SV2C: variants seen among roughly 807,000 people sequenced by gnomAD.
SV2C encodes the protein synaptic vesicle glycoprotein 2C.
A neutral mutation model predicts 79.7 loss-of-function variants in SV2C; 49 were observed. The observed-to-expected ratio is 0.61, with a 90% confidence interval of 0.49 to 0.78. The LOEUF is 0.78. Ranked by LOEUF, SV2C falls within the 30% of genes least tolerant of loss-of-function variation. The pLI, the probability that SV2C is intolerant of heterozygous loss-of-function variation, is 0.00. For missense variants in SV2C, 833 were observed against 912.9 expected (o/e 0.91, Z 1.13); for synonymous variants, 334 against 333.2 (o/e 1.00, Z -0.03).
the SV2C span, among the ~76,000 whole-genome samples, chr5:76,012,072 T>A: frequency 6.6e-5 from 10 of 152,168 alleles, no homozygotes; most frequent in Non-Finnish European, 1.0e-4. Context: ...TAAATATACA[T>A]GTGCATGTGT....
chr5:75,976,609 A>G, the SV2C span, among the ~76,000 whole-genome samples: 6 of 152,118 alleles, frequency 3.9e-5, no homozygotes, highest in Non-Finnish European at 5.9e-5. Flanking sequence ...ATTGAAGAAT[A>G]CCATGCTTTT....
At chr5:75,886,120 C>T in the SV2C span, among the ~76,000 whole-genome samples, 2 of 152,058 alleles carry the variant, frequency 1.3e-5, no homozygotes, top group Non-Finnish European at 2.9e-5. Flanking sequence ...TGAGTCAGCC[C>T]CTTTTAGCTG....
chr5:76,001,527 G>A, the SV2C span, among the ~76,000 whole-genome samples: 2,463 of 152,014 alleles, frequency 0.016, 72 homozygotes, highest in African/African-American at 0.057. Flanking sequence ...GCGTGAACCC[G>A]GGAGGTGGAG....
chr5:76,274,898 G>T (rs1315101030), intron 4 of SV2C, among the ~76,000 whole-genome samples: 2 of 152,000 alleles, frequency 1.3e-5, no homozygotes, highest in Non-Finnish European at 2.9e-5. Context: ...TTTTATATCT[G>T]TAGGAACAAA....
the SV2C span, chr5:75,921,482 G>A: frequency 1.3e-6 from 1 of 798,878 alleles, no homozygotes; most frequent in South Asian, 1.3e-5. Context: ...CGGTCTCTGG[G>A]TTGAACTTAG....
chr5:75,879,062 G>A, the SV2C span, among the ~76,000 whole-genome samples: 3 of 152,088 alleles, frequency 2.0e-5, no homozygotes, highest in Non-Finnish European at 2.9e-5. Context: ...AACTCAGAAC[G>A]AGTTCTGTCA....
chr5:76,272,789 A>G (rs1373671209), intron 4 of SV2C, among the ~76,000 whole-genome samples: 1 of 152,116 alleles, frequency 6.6e-6, no homozygotes, highest in Non-Finnish European at 1.5e-5. Context: ...AGAATTGCCA[A>G]TATTTACTTT....
chr5:76,198,691 G>A (rs1235833289), intron 3 of SV2C, among the ~76,000 whole-genome samples: 1 of 152,100 alleles, frequency 6.6e-6, no homozygotes, highest in Non-Finnish European at 1.5e-5. Context: ...ACTTTTGCTT[G>A]CTTTGTGAAA....
In SV2C at chr5:76,102,475, G is replaced by A. The variant is rs77651845; in HGVS notation, c.-102+18963G>A. 3.0e-3 allele frequency among the ~76,000 whole-genome samples: 452 copies of A among 152,248 alleles called. 1 individual carries two copies. The highest frequency in any genetic ancestry group is 0.011 in the African/African-American group (437 of 41,534). On this transcript the variant is annotated intron_variant, in intron 1 of 12. Transcript: ENST00000502798. ...TGTTATCCAGTAGCAATTACTCTAT[G>A]TTGTGAATGCTCATTCTCTTGTCTG...
chr5:76,037,803 C>G, the SV2C span, among the ~76,000 whole-genome samples: 2 of 152,362 alleles, frequency 1.3e-5, no homozygotes, highest in East Asian at 3.9e-4. Flanking sequence ...CTTTGTTTAC[C>G]TAAGCAAGCC....
chr5:75,886,016 C>T, the SV2C span, among the ~76,000 whole-genome samples: 1 of 152,044 alleles, frequency 6.6e-6, no homozygotes, highest in African/African-American at 2.4e-5. Context: ...TCAGAGCTGC[C>T]CCTAGTGGAA....
chr5:76,154,557 A>C (rs1370780807), intron 2 of SV2C, among the ~76,000 whole-genome samples: 1 of 152,220 alleles, frequency 6.6e-6, no homozygotes, highest in African/African-American at 2.4e-5. Context: ...CAGACCACAC[A>C]GAGCTGCATG....
chr5:76,237,027 G>C (rs1224558484), intron 4 of SV2C, among the ~76,000 whole-genome samples: 2 of 152,324 alleles, frequency 1.3e-5, no homozygotes, highest in East Asian at 3.9e-4. Flanking sequence ...GAAGGTGCCT[G>C]CTTCTCCTTT....
At chr5:75,897,659 A>T in the SV2C span, among the ~76,000 whole-genome samples, 5 of 152,292 alleles carry the variant, frequency 3.3e-5, no homozygotes, top group African/African-American at 1.2e-4. Flanking sequence ...TACCTTGGGC[A>T]GTATGGCCAT....
At chr5:75,973,106 C>T in the SV2C span, among the ~76,000 whole-genome samples, 24 of 151,844 alleles carry the variant, frequency 1.6e-4, no homozygotes, top group East Asian at 4.4e-3. Context: ...TGTTCTCCCT[C>T]ATAGGTGAGA....
At chr5:76,300,988 C>A (rs1747976005) in intron 11 of SV2C, 56 bp downstream of exon 11, 9 of 1,565,624 alleles carry the variant, frequency 5.7e-6, no homozygotes, top group Middle Eastern at 1.7e-4. Context: ...CCAGAGGGAC[C>A]CTGTTTCCCC....
At chr5:75,954,619 T>A in the SV2C span, among the ~76,000 whole-genome samples, 2 of 143,612 alleles carry the variant, frequency 1.4e-5, no homozygotes, top group Non-Finnish European at 3.0e-5. Flanking sequence ...TGTTTGCAGA[T>A]GACATGATTG....
At chr5:76,132,396 A>G (rs548489138) in intron 2 of SV2C, 66 bp downstream of exon 2, 3 of 1,446,374 alleles carry the variant, frequency 2.1e-6, no homozygotes, top group East Asian at 2.3e-5. Flanking sequence ...AGTTATCAAC[A>G]TAGAGAATAA....
chr5:76,098,868 C>T (rs546069861), intron 1 of SV2C, among the ~76,000 whole-genome samples: 2 of 152,288 alleles, frequency 1.3e-5, no homozygotes, highest in Admixed American at 6.5e-5. Context: ...ATTCTTCTTA[C>T]GGGCTGACAT....
Sources: allele counts gnomAD v4.1 joint callset (sites outside exome capture counted in the v4.1 genomes callset), GRCh38; gene constraint gnomAD v4.1.1; transcripts MANE v1.5; gene names NCBI Gene and HGNC (gene_info 2026-07-23, HGNC 2026-07-21).